HSD17B12: variants seen among roughly 807,000 people sequenced by gnomAD.
HSD17B12 encodes hydroxysteroid 17-beta dehydrogenase 12.
HSD17B12 carries 32 observed loss-of-function variants against 39.3 expected under a neutral mutation model. The ratio of observed to expected loss-of-function variants is 0.81; its 90% CI spans 0.61 to 1.09. The LOEUF (loss-of-function observed/expected upper bound fraction) is 1.09, where lower values mean the gene tolerates loss of function less well. HSD17B12 is among the 50% of genes least tolerant of loss of function. The probability of loss-of-function intolerance (pLI) is 0.00; values close to 1 mark genes in which losing one functional copy is unlikely to be tolerated. For synonymous variants in HSD17B12, 150 were observed against 146.7 expected (o/e 1.02, Z -0.16); for missense variants, 342 against 382.9 (o/e 0.89, Z 0.89).
intron 1 of HSD17B12, among the ~76,000 whole-genome samples, chr11:43,741,796 C>T (rs563238004): frequency 4.4e-4 from 64 of 144,464 alleles, no homozygotes; most frequent in South Asian, 2.4e-3. Flanking sequence ...TGCAGTGGCG[C>T]GACCTCGGCT....
At chr11:43,577,369 G>T in the HSD17B12 span, among the ~76,000 whole-genome samples, 1 of 152,164 alleles carries the variant, frequency 6.6e-6, no homozygotes, top group Non-Finnish European at 1.5e-5. Flanking sequence ...AAGGAAAAAA[G>T]ATTTAAAGGA....
At position 43,769,903 on chromosome 11, in the gene HSD17B12, G is replaced by A. The variant is rs1054072542; in HGVS notation, c.283+15782G>A. On this transcript the variant is annotated intron_variant, in intron 3 of 10. Coordinates refer to ENST00000278353, the MANE Select transcript of HSD17B12 (RefSeq NM_016142.3). ...CATTTTGTATTCTTTCGATAGAAGG[G>A]CCTATTGCAATAAAGTGAAAATCAT... Among the ~76,000 whole-genome samples, 3 of 152,134 alleles carry A rather than the reference G, an allele frequency of 2.0e-5. No homozygotes were observed. In the South Asian group the frequency reaches 6.2e-4, roughly 32 times the overall value.
At chr11:43,842,672 G>A (rs577158903) in intron 9 of HSD17B12, among the ~76,000 whole-genome samples, 1 of 152,262 alleles carries the variant, frequency 6.6e-6, no homozygotes, top group South Asian at 2.1e-4. Flanking sequence ...TCATGGGAAG[G>A]TATCACATGC....
the HSD17B12 span, among the ~76,000 whole-genome samples, chr11:43,599,340 T>C: frequency 2.0e-5 from 3 of 152,226 alleles, no homozygotes; most frequent in Admixed American, 6.5e-5. Context: ...TTAATCTCTC[T>C]CTTTCTCTCT....
the HSD17B12 span, among the ~76,000 whole-genome samples, chr11:43,619,918 T>G: frequency 6.6e-6 from 1 of 152,344 alleles, no homozygotes; most frequent in East Asian, 1.9e-4. Flanking sequence ...TTTCCTGTAC[T>G]AGGACAAGGC....
the HSD17B12 span, among the ~76,000 whole-genome samples, chr11:43,564,509 T>C: frequency 2.0e-5 from 3 of 152,222 alleles, no homozygotes; most frequent in Non-Finnish European, 4.4e-5. Context: ...TTATAAGCTC[T>C]CAGATTTTTT....
chr11:43,854,835 A>G lies in HSD17B12; in HGVS notation c.805A>G (p.Thr269Ala), dbSNP rs1951567135. The change falls in exon 10 of 11, where the codon ACC (threonine) becomes GCC (alanine). Residue 269 changes from threonine to alanine, a missense_variant. By Grantham distance (58) the Thr-to-Ala change is moderately conservative. Transcript: ENST00000278353. ...TAAAACAGTCGGCCTGCAATCCCGAACCAATGGATACCTGATCCATGCTCT... is the reference window on the plus strand; with the variant it reads ...TAAAACAGTCGGCCTGCAATCCCGAGCCAATGGATACCTGATCCATGCTCT... ...AIKTVGLQSR[T>A]NGYLIHALMG... 1 of 1,614,082 alleles carries G rather than the reference A, an allele frequency of 6.2e-7. No homozygotes were observed.
At chr11:43,601,905 T>A in the HSD17B12 span, among the ~76,000 whole-genome samples, 1 of 152,136 alleles carries the variant, frequency 6.6e-6, no homozygotes, top group African/African-American at 2.4e-5. Context: ...TTTTGAAGAG[T>A]CAGGGAGCAG....
At chr11:43,755,941 G>A (rs1463395245) in intron 3 of HSD17B12, among the ~76,000 whole-genome samples, 2 of 152,196 alleles carry the variant, frequency 1.3e-5, no homozygotes, top group African/African-American at 4.8e-5. Context: ...GGCGGAAGGT[G>A]AAAGGCACGT....
intron 1 of HSD17B12, among the ~76,000 whole-genome samples, chr11:43,742,714 G>A (rs542687933): frequency 1.3e-5 from 2 of 152,000 alleles, no homozygotes; most frequent in Non-Finnish European, 2.9e-5. Flanking sequence ...TGGTGCTATA[G>A]AGATGGCTAA....
chr11:43,620,804 C>G, the HSD17B12 span, among the ~76,000 whole-genome samples: 48 of 152,208 alleles, frequency 3.2e-4, no homozygotes, highest in Admixed American at 2.6e-4. Flanking sequence ...TACCTCTGAG[C>G]TGAGCTGCAC....
intron 4 of HSD17B12, among the ~76,000 whole-genome samples, chr11:43,803,486 A>C (rs1178975273): frequency 1.3e-5 from 2 of 152,246 alleles, no homozygotes; most frequent in African/African-American, 2.4e-5. Context: ...ATTTTTTTCT[A>C]CCAAGTTTTA....
intron 3 of HSD17B12, among the ~76,000 whole-genome samples, chr11:43,785,373 A>T (rs1340854213): frequency 6.6e-6 from 1 of 152,198 alleles, no homozygotes; most frequent in East Asian, 1.9e-4. Flanking sequence ...ACAATAGGAA[A>T]ACAGTTAATA....
chr11:43,611,698 T>C, the HSD17B12 span, among the ~76,000 whole-genome samples: 1 of 152,190 alleles, frequency 6.6e-6, no homozygotes, highest in South Asian at 2.1e-4. Context: ...GTTGCCTTTG[T>C]TGTCAAGATG....
Position 43,747,900 on chromosome 11 carries a change from C to G in HSD17B12, c.161-3011C>G, listed in dbSNP as rs571070507. On this transcript the variant is annotated intron_variant, in intron 1 of 10. Coordinates refer to ENST00000278353, the MANE Select transcript of HSD17B12 (RefSeq NM_016142.3). ...CTCTGGCCCCCACTCTTTATGCATT[C>G]TTAACCTGTCTCATTCCTTCATTGC... Among the ~76,000 whole-genome samples the G allele has an allele frequency of 3.5e-4, 54 of 152,312 alleles. 1 individual carries two copies. The highest frequency in any genetic ancestry group is 3.3e-3 in the Admixed American group (50 of 15,304).
the HSD17B12 span, among the ~76,000 whole-genome samples, chr11:43,562,644 A>G: frequency 6.6e-6 from 1 of 152,206 alleles, no homozygotes. Context: ...GTGGGATGGC[A>G]TTTCTACCAT....
chr11:43,757,667 A>AAAAAAAAC (rs869271362), intron 3 of HSD17B12, among the ~76,000 whole-genome samples: 1 of 143,368 alleles, frequency 7.0e-6, no homozygotes, highest in African/African-American at 2.6e-5. Flanking sequence ...AAAAAAAAAA[A>AAAAAAAAC]CAAATAGGTA....
intron 1 of HSD17B12, among the ~76,000 whole-genome samples, chr11:43,713,676 G>C (rs1950092302): frequency 6.6e-6 from 1 of 152,116 alleles, no homozygotes; most frequent in African/African-American, 2.4e-5. Flanking sequence ...GGTATTTCTA[G>C]TTCTAGATCC....
chr11:43,636,547 C>T, the HSD17B12 span, among the ~76,000 whole-genome samples: 1 of 150,218 alleles, frequency 6.7e-6, no homozygotes, highest in Non-Finnish European at 1.5e-5. Context: ...TTAAAAAAAC[C>T]AAAAAACAGA....
Sources: allele counts gnomAD v4.1 joint callset (sites outside exome capture counted in the v4.1 genomes callset), GRCh38; gene constraint gnomAD v4.1.1; transcripts MANE v1.5; gene names NCBI Gene and HGNC (gene_info 2026-07-23, HGNC 2026-07-21).